The following CCDC30 variants were observed in gnomAD, a reference collection of about 807,000 sequenced individuals.
CCDC30 encodes coiled-coil domain-containing protein 30.
Under a neutral mutation model 100.2 loss-of-function variants are expected in CCDC30, and 70 were observed. The ratio of observed to expected loss-of-function variants is 0.70; its 90% CI spans 0.58 to 0.85. The LOEUF (loss-of-function observed/expected upper bound fraction) is 0.85. CCDC30 is among the 40% of genes least tolerant of loss of function. CCDC30 has a pLI of 0.00. For missense variants in CCDC30, 652 were observed against 771.2 expected, an observed-to-expected ratio of 0.85 and a Z score of 1.83; for synonymous variants, 233 against 269.5, an observed-to-expected ratio of 0.86 and a Z score of 1.33.
chr1:42,460,410 A>G (rs878975761), upstream of CCDC30: 3 of 985,260 alleles, frequency 3.0e-6, no homozygotes, highest in Admixed American at 1.8e-4. Context: ...GACACAATGG[A>G]AAGGATGTTT....
intron 4 of CCDC30, among the ~76,000 whole-genome samples, chr1:42,491,532 C>G (rs1303321563): frequency 6.6e-6 from 1 of 151,282 alleles, no homozygotes; most frequent in Non-Finnish European, 1.5e-5. Context: ...AAGAATAAGA[C>G]CTAGTATTTG....
intron 7 of CCDC30, among the ~76,000 whole-genome samples, chr1:42,574,572 A>G (rs1645795484): frequency 6.6e-6 from 1 of 152,174 alleles, no homozygotes; most frequent in Non-Finnish European, 1.5e-5. Flanking sequence ...CTGTTTAAAG[A>G]ACCAAATTTT....
intron 6 of CCDC30, among the ~76,000 whole-genome samples, chr1:42,554,275 CTTTTTT>C (rs1286952607): frequency 7.6e-6 from 1 of 131,224 alleles, no homozygotes. Context: ...TTTATGGCTT[CTTTTTT>C]TTTTTTTTTT....
At chr1:42,605,377 T>C (rs1646482176) in intron 10 of CCDC30, among the ~76,000 whole-genome samples, 1 of 152,254 alleles carries the variant, frequency 6.6e-6, no homozygotes, top group Non-Finnish European at 1.5e-5. Context: ...CTTAAACCTT[T>C]GGATGCCTTT....
rs74948365 is a variant in CCDC30 at position 42,571,622 on chromosome 1, G to A, written c.636+5147G>A. On this transcript the variant is annotated intron_variant, in intron 7 of 16. Coordinates refer to ENST00000668663, the Ensembl canonical transcript of CCDC30. Reference sequence around the variant, plus strand: ...TTTTGGTAATATCAATGAGATAAGCGTATTACATTTTTTCCTGTTGACCTA... The same window carrying A: ...TTTTGGTAATATCAATGAGATAAGCATATTACATTTTTTCCTGTTGACCTA... 5.8e-3 allele frequency among the ~76,000 whole-genome samples: 890 copies of A among 152,266 alleles called. 7 individuals are homozygous for A. Among genetic ancestry groups the A allele is most frequent in the Middle Eastern group, 0.02 (6 of 294 alleles).
intron 10 of CCDC30, among the ~76,000 whole-genome samples, chr1:42,609,221 GA>G (rs1224498475): frequency 1.3e-5 from 2 of 152,032 alleles, no homozygotes; most frequent in Non-Finnish European, 2.9e-5. Context: ...CAATGAGGAT[GA>G]AAAATTTTGT....
At chr1:42,648,989 T>G (rs955004346) in intron 15 of CCDC30, among the ~76,000 whole-genome samples, 2 of 151,918 alleles carry the variant, frequency 1.3e-5, no homozygotes, top group Non-Finnish European at 2.9e-5. Context: ...CCTACCAAGA[T>G]TGAACCATGA....
intron 5 of CCDC30, among the ~76,000 whole-genome samples, chr1:42,497,535 T>C (rs888607708): frequency 6.6e-6 from 1 of 152,214 alleles, no homozygotes; most frequent in African/African-American, 2.4e-5. Context: ...ATTGGATAAG[T>C]TTAAGATTAT....
intron 11 of CCDC30, among the ~76,000 whole-genome samples, chr1:42,632,153 TTACTCA>T: frequency 6.6e-6 from 1 of 152,136 alleles, no homozygotes; most frequent in Non-Finnish European, 1.5e-5. Flanking sequence ...TCGCTGCTGG[TTACTCA>T]GGGTCCAAGG....
chr1:42,621,500 T>A (rs1024583779), intron 11 of CCDC30, among the ~76,000 whole-genome samples: 4 of 149,062 alleles, frequency 2.7e-5, no homozygotes, highest in South Asian at 2.1e-4. Flanking sequence ...TATTTTATTT[T>A]ATTTATTTAT....
Position 42,646,262 on chromosome 1 carries a change from A to T in CCDC30, c.1799A>T (p.His600Leu), listed in dbSNP as rs1024434303. ...ACCAGCAACAATGCAGAACTCCAGC[A>T]TGAGGATGAGTCAGTTCCTGAGGCC... Residue 600 changes from histidine (H) to leucine (L), a missense_variant, in exon 15 of 17, where the codon CAT becomes CTT. By Grantham distance (99) the His-to-Leu change is moderately conservative (BLOSUM62 -3). Coordinates refer to ENST00000668663, the Ensembl canonical transcript of CCDC30. 9.7e-6 allele frequency: 15 copies of T among 1,550,860 alleles called. No homozygotes were observed. The African/African-American group carries it at 2.1e-4, about 21-fold the overall frequency.
chr1:42,544,475 G>C (rs903796155), intron 6 of CCDC30, among the ~76,000 whole-genome samples: 1 of 152,126 alleles, frequency 6.6e-6, no homozygotes, highest in Non-Finnish European at 1.5e-5. Flanking sequence ...CAGGGTAGGG[G>C]CTACAATATA....
chr1:42,644,674 T>C lies in CCDC30; in HGVS notation c.1557-19T>C, dbSNP rs1222688023. On this transcript the variant is annotated intron_variant, in intron 13 of 16. Coordinates refer to ENST00000668663, the Ensembl canonical transcript of CCDC30. ...ATACAGAAATCTCTAATCATGCCAC[T>C]GATTTATGCCATTCTTAGGGTACTT... 7.7e-6 allele frequency: 11 copies of C among 1,422,410 alleles called. No homozygotes were observed. The highest frequency in any genetic ancestry group is 2.3e-5 in the South Asian group (2 of 87,082). The allele number at this position is 1,422,410 out of a possible 1,614,324, so 88.1% of individuals were successfully genotyped here.
At chr1:42,558,957 C>T (rs1645428709) in intron 6 of CCDC30, among the ~76,000 whole-genome samples, 1 of 152,158 alleles carries the variant, frequency 6.6e-6, no homozygotes, top group South Asian at 2.1e-4. Context: ...AGCAGAAACT[C>T]TACAAGCCAG....
intron 6 of CCDC30, among the ~76,000 whole-genome samples, chr1:42,525,415 A>T (rs1644709068): frequency 6.6e-6 from 1 of 151,976 alleles, no homozygotes; most frequent in Non-Finnish European, 1.5e-5. Context: ...TGTGTTTTTA[A>T]TCCCATCCCA....
At chr1:42,606,963 A>C (rs1048856228) in intron 10 of CCDC30, among the ~76,000 whole-genome samples, 9 of 152,234 alleles carry the variant, frequency 5.9e-5, no homozygotes, top group Admixed American at 1.3e-4. Flanking sequence ...TTTGTGAAAT[A>C]CCTTTTTATC....
intron 16 of CCDC30, 61 bp downstream of exon 20, chr1:42,653,504 G>A: frequency 1.9e-6 from 2 of 1,080,452 alleles, no homozygotes; most frequent in Admixed American, 1.9e-5. Flanking sequence ...AGCCATGCCT[G>A]AGAGTCATGG....
At chr1:42,527,694 T>C (rs1299317011) in intron 6 of CCDC30, among the ~76,000 whole-genome samples, 1 of 152,178 alleles carries the variant, frequency 6.6e-6, no homozygotes, top group African/African-American at 2.4e-5. Flanking sequence ...CTGAATCTCT[T>C]ATGCAAATCT....
chr1:42,588,015 G>T (rs1431718997), intron 9 of CCDC30, among the ~76,000 whole-genome samples: 2 of 152,128 alleles, frequency 1.3e-5, no homozygotes, highest in Non-Finnish European at 2.9e-5. Flanking sequence ...ACTAAAATTT[G>T]GGGGGTTATA....
Sources: allele counts gnomAD v4.1 joint callset (sites outside exome capture counted in the v4.1 genomes callset), GRCh38; gene constraint gnomAD v4.1.1; transcripts MANE v1.5; gene names NCBI Gene and HGNC (gene_info 2026-07-23, HGNC 2026-07-21).